The following LRP5 variants were observed in gnomAD, a reference collection of about 807,000 sequenced individuals.
The protein encoded by LRP5 is low-density lipoprotein receptor-related protein 5.
LRP5 carries 62 observed loss-of-function variants against 154.1 expected under a neutral mutation model. The observed-to-expected ratio is 0.40, with a 90% CI of 0.33 to 0.50. The LOEUF is 0.50. Ranked by LOEUF, LRP5 falls within the 20% of genes least tolerant of loss-of-function variation. The pLI is 0.55. For missense variants in LRP5, 1,915 were observed against 2,336.7 expected, an observed-to-expected ratio of 0.82 and a Z score of 3.72; for synonymous variants, 966 against 1,011.5, an observed-to-expected ratio of 0.96 and a Z score of 0.85.
chr11:68,386,604 CG>C lies in LRP5; in HGVS notation c.1307del (p.Gly436AlafsTer7). The C allele has an allele frequency of 1.9e-6, 3 of 1,613,738 alleles. No homozygotes were observed. The highest frequency in any genetic ancestry group is 2.5e-6 in the Non-Finnish European group (3 of 1,179,956). Reference protein sequence around the residue: ...WVARNLYWTDTGTDRIEVTRL... With the variant: ...WVARNLYWTDXGTDRIEVTRL... Reference sequence around the variant, plus strand: ...GCCCGAAACCTCTACTGGACCGACACGGGCACGGACCGCATCGAGGTGACGC... The same window carrying C: ...GCCCGAAACCTCTACTGGACCGACACGGCACGGACCGCATCGAGGTGACGC... On this transcript the variant is annotated frameshift_variant, in exon 6 of 23. Transcript: ENST00000294304. LOFTEE classifies it high-confidence loss of function. This position sits in a 1 kb window ranked among gnomAD's most constrained non-coding sequence, Gnocchi z 7.9.
At chr11:68,365,485 G>C in intron 4 of LRP5, 86 bp from the exon 5 acceptor site, 2 of 1,600,454 alleles carry the variant, frequency 1.2e-6, no homozygotes, top group Non-Finnish European at 1.7e-6. Context: ...AGGCTGTCAC[G>C]GGGGACGAGG....
chr11:68,423,136 T>A lies in LRP5; in HGVS notation c.3028-353T>A, dbSNP rs992123591. On this transcript the variant is annotated intron_variant, in intron 13 of 22. Transcript: ENST00000294304. This position sits in a 1 kb window ranked among gnomAD's most constrained non-coding sequence, Gnocchi z 4.7. Reference sequence around the variant, plus strand: ...CTTCATGGGAGCGCCAGTCTAGTGATGCACAGCTGGGTGCCCGGCGGGTGG... The same window carrying A: ...CTTCATGGGAGCGCCAGTCTAGTGAAGCACAGCTGGGTGCCCGGCGGGTGG... 6.6e-5 allele frequency among the ~76,000 whole-genome samples: 10 copies of A among 152,174 alleles called. No individual in the cohort carries two copies. Among genetic ancestry groups the A allele is most frequent in the Non-Finnish European group, 1.2e-4 (8 of 68,020 alleles).
chr11:68,367,353 G>A (rs1056980966), intron 5 of LRP5, among the ~76,000 whole-genome samples: 1 of 152,206 alleles, frequency 6.6e-6, no homozygotes, highest in Non-Finnish European at 1.5e-5. Context: ...TGGCATAGTA[G>A]GTTCTAGCAG....
At chr11:68,404,121 T>C (rs2153163336) in intron 8 of LRP5, 2 of 424,844 alleles carry the variant, frequency 4.7e-6, no homozygotes, top group Non-Finnish European at 4.5e-6. Context: ...TTGTTGCCCC[T>C]GTGGCCCACG....
chr11:68,422,644 G>C (rs188115385), intron 13 of LRP5, among the ~76,000 whole-genome samples: 11 of 152,294 alleles, frequency 7.2e-5, no homozygotes, highest in Non-Finnish European at 1.5e-4. Flanking sequence ...TGACCCCAGA[G>C]AGTGTGGAGA....
chr11:68,349,027 C>CTTTT (rs368502197), intron 2 of LRP5, among the ~76,000 whole-genome samples: 3 of 123,576 alleles, frequency 2.4e-5, no homozygotes, highest in South Asian at 2.6e-4. Context: ...AGTTATGTTC[C>CTTTT]TTTTTTTTTT....
In LRP5 at chr11:68,365,658, C is replaced by G; in HGVS notation, c.971C>G (p.Pro324Arg). ...PSEPFYTCAC[P>R]TGVQLQDNGR... ...GAGCCTTTCTACACATGCGCCTGCC[C>G]CACGGGTGTGCAGCTGCAGGACAAC... Residue 324 changes from proline (P) to arginine (R), a missense_variant, in exon 5 of 23, where the codon CCC becomes CGC. Physicochemically the swap from Pro to Arg is moderately radical, Grantham distance 103. Around this residue, in one of 3 missense-constraint regions of LRP5, gnomAD observed 773 missense variants for 1,100.9 expected, o/e 0.70. Transcript: ENST00000294304. 1 of 1,462,562 alleles carries G rather than the reference C, an allele frequency of 6.8e-7. No homozygotes were observed. The highest frequency in any genetic ancestry group is 1.9e-4 in the Middle Eastern group (1 of 5,244). The allele number at this position is 1,462,562 out of a possible 1,614,324, so 90.6% of individuals were successfully genotyped here.
chr11:68,423,248 T>A lies in LRP5; in HGVS notation c.3028-241T>A, dbSNP rs1371983729. On this transcript the variant is annotated intron_variant, in intron 13 of 22. Coordinates refer to ENST00000294304, the MANE Select transcript of LRP5 (RefSeq NM_002335.4). This position sits in a 1 kb window ranked among gnomAD's most constrained non-coding sequence, Gnocchi z 4.7. ...CTGGCATACTCAGGCGGGCACGTAG[T>A]TAGGAGCTGATTGGAGAGGAGAGAC... Among the ~76,000 whole-genome samples the A allele has an allele frequency of 1.3e-5, 2 of 152,074 alleles. No individual in the cohort carries two copies. Among genetic ancestry groups the A allele is most frequent in the African/African-American group, 2.4e-5 (1 of 41,402 alleles).
At position 68,447,347 on chromosome 11, in the gene LRP5, T is replaced by C. The variant is rs1418279219; in HGVS notation, c.4586+814T>C. On this transcript the variant is annotated intron_variant, in intron 22 of 22. Coordinates refer to ENST00000294304, the MANE Select transcript of LRP5 (RefSeq NM_002335.4). This position sits in a 1 kb window ranked among gnomAD's most constrained non-coding sequence, Gnocchi z 4.3. ...CTCTGGACCACGCATTCCTCATTGC[T>C]TGGGTCCCTGGAGCAGCAGGGCCTC... Among the ~76,000 whole-genome samples, 2 of 152,202 alleles carry C rather than the reference T, an allele frequency of 1.3e-5. No homozygotes were observed. Among genetic ancestry groups the C allele is most frequent in the Admixed American group, 1.3e-4 (2 of 15,286 alleles).
chr11:68,365,477 G>T lies in LRP5; in HGVS notation c.884-94G>T, dbSNP rs565171817. The stretch of plus-strand genomic sequence containing the variant: ...GTTTGGGCAGAGGGACACACTGGAG[G>T]CTGTCACGGGGGACGAGGCAGGATG... On this transcript the variant is annotated intron_variant, in intron 4 of 22. Coordinates refer to ENST00000294304, the MANE Select transcript of LRP5 (RefSeq NM_002335.4). 7.0e-5 allele frequency: 111 copies of T among 1,581,810 alleles called. 2 individuals carry two copies. In the South Asian group the frequency reaches 1.1e-3, roughly 16 times the overall value.
At chr11:68,393,957 C>T (rs545571754) in intron 7 of LRP5, among the ~76,000 whole-genome samples, 5 of 152,064 alleles carry the variant, frequency 3.3e-5, no homozygotes, top group East Asian at 3.9e-4. Context: ...TCCCCATTTG[C>T]GAACGAGAAA....
intron 21 of LRP5, among the ~76,000 whole-genome samples, chr11:68,445,930 A>G (rs571180988): frequency 1.3e-5 from 2 of 152,282 alleles, no homozygotes; most frequent in African/African-American, 2.4e-5. Flanking sequence ...AGGGACGCAG[A>G]GCCCCTGAGT....
rs1219101402 is a variant in LRP5 at position 68,365,607 on chromosome 11, C to T, written c.920C>T (p.Ser307Phe). The T allele has an allele frequency of 5.6e-6, 9 of 1,613,786 alleles. No homozygotes were observed. The highest frequency in any genetic ancestry group is 7.6e-6 in the Non-Finnish European group (9 of 1,180,010). Residue 307 changes from serine to phenylalanine, a missense_variant, in exon 5 of 23, where the codon TCC becomes TTC. Transcript: ENST00000294304. ...TGTGAGGAGGACAATGGCGGCTGCT[C>T]CCACCTGTGCCTGCTGTCCCCAAGC... ...TRCEEDNGGC[S>F]HLCLLSPSEP...
At chr11:68,351,014 CTGTG>C (rs1022055997) in intron 2 of LRP5, among the ~76,000 whole-genome samples, 1 of 152,238 alleles carries the variant, frequency 6.6e-6, no homozygotes, top group Middle Eastern at 3.4e-3. Context: ...GCGCATGTGA[CTGTG>C]TGTGCACGTG....
rs1352340517 is a variant in LRP5 at position 68,353,109 on chromosome 11, C to T, written c.489-4541C>T. On this transcript the variant is annotated intron_variant, in intron 2 of 22. Coordinates refer to ENST00000294304, the MANE Select transcript of LRP5 (RefSeq NM_002335.4). The surrounding 1 kb of genome is among the most constrained non-coding windows in gnomAD (Gnocchi z 4.5). ...GCTGGCTTTGCCTGCATCATCTCTG[C>T]GAGCCAACTGTCCCTGTTTGGCTCT... Among the ~76,000 whole-genome samples, 3 of 152,128 alleles carry T rather than the reference C, an allele frequency of 2.0e-5. No homozygotes were observed. Among genetic ancestry groups the T allele is most frequent in the African/African-American group, 4.8e-5 (2 of 41,408 alleles).
chr11:68,374,355 G>A (rs533102803), intron 5 of LRP5, among the ~76,000 whole-genome samples: 9 of 152,286 alleles, frequency 5.9e-5, no homozygotes, highest in Admixed American at 2.0e-4. Context: ...AAGAAAGGAG[G>A]TCCTGTGGGG....
chr11:68,376,117 C>T lies in LRP5; in HGVS notation c.1016-10199C>T, dbSNP rs570933463. On this transcript the variant is annotated intron_variant, in intron 5 of 22. Transcript: ENST00000294304. ...GCGGTCATGGTCCTGAGCCCTATAC[C>T]CAGGCACGCGTCCTGGGAGCTGTGT... 3.3e-5 allele frequency among the ~76,000 whole-genome samples: 5 copies of T among 151,636 alleles called. No individual in the cohort carries two copies. The East Asian group carries it at 9.7e-4, about 29-fold the overall frequency.
chr11:68,407,670 G>A (rs1255988752), intron 9 of LRP5, among the ~76,000 whole-genome samples: 24 of 123,788 alleles, frequency 1.9e-4, no homozygotes, highest in Non-Finnish European at 3.3e-4. Context: ...GAGAAACCCC[G>A]TCTCTACTAA....
intron 9 of LRP5, among the ~76,000 whole-genome samples, chr11:68,408,876 C>T (rs2098657250): frequency 6.6e-6 from 1 of 150,840 alleles, no homozygotes; most frequent in Non-Finnish European, 1.5e-5. Flanking sequence ...AGTGAGACCC[C>T]ATCTCTACAA....
Sources: gnomAD v4.1 joint callset for allele counts (sites outside exome capture counted in the v4.1 genomes callset) on GRCh38, gnomAD v4.1.1 for gene constraint, gnomAD v4.1.1 regional missense constraint, Gnocchi (gnomAD v3.1) non-coding constraint, MANE v1.5 for transcripts, NCBI Gene and HGNC (gene_info 2026-07-23, HGNC 2026-07-21) for gene names.